The following NOS1AP variants were observed in gnomAD, a reference collection of about 807,000 sequenced individuals.
NOS1AP encodes the protein carboxyl-terminal PDZ ligand of neuronal nitric oxide synthase protein.
A neutral mutation model predicts 56.2 loss-of-function variants in NOS1AP; 21 were observed. The observed-to-expected ratio is 0.37, with a 90% CI of 0.26 to 0.54. The LOEUF is 0.54. Among genes scored for constraint, NOS1AP ranks in the 20% least tolerant of loss-of-function variants. The pLI, the probability that NOS1AP is intolerant of heterozygous loss-of-function variation, is 0.84. For synonymous variants in NOS1AP, 270 were observed against 274.6 expected (o/e 0.98, Z 0.17); for missense variants, 522 against 657.8 (o/e 0.79, Z 2.26).
At chr1:162,179,587 G>T (rs970603378) in intron 2 of NOS1AP, among the ~76,000 whole-genome samples, 3 of 152,214 alleles carry the variant, frequency 2.0e-5, no homozygotes, top group Non-Finnish European at 2.9e-5. Context: ...AAACAATTCA[G>T]TGAGAATGTA....
intron 2 of NOS1AP, among the ~76,000 whole-genome samples, chr1:162,262,520 A>G (rs901026146): frequency 6.6e-6 from 1 of 152,222 alleles, no homozygotes; most frequent in Non-Finnish European, 1.5e-5. Context: ...TAATCTAATG[A>G]CATTCTAATG....
intron 2 of NOS1AP, among the ~76,000 whole-genome samples, chr1:162,218,985 C>T (rs1257173997): frequency 6.6e-6 from 1 of 152,102 alleles, no homozygotes; most frequent in Non-Finnish European, 1.5e-5. Flanking sequence ...GGGCATTCAC[C>T]ACCGAGCCCA....
At chr1:162,265,714 G>C (rs1320643136) in intron 2 of NOS1AP, among the ~76,000 whole-genome samples, 1 of 152,162 alleles carries the variant, frequency 6.6e-6, no homozygotes, top group South Asian at 2.1e-4. Flanking sequence ...CAGTTGATTT[G>C]CTTGAGATTA....
intron 1 of NOS1AP, among the ~76,000 whole-genome samples, chr1:162,087,450 C>T (rs1692028190): frequency 6.6e-6 from 1 of 152,050 alleles, no homozygotes; most frequent in Non-Finnish European, 1.5e-5. Flanking sequence ...AAGCTGGGGT[C>T]TGAGAGACTG....
chr1:162,336,254 T>G (rs1656936077), intron 5 of NOS1AP, among the ~76,000 whole-genome samples: 1 of 152,192 alleles, frequency 6.6e-6, no homozygotes, highest in South Asian at 2.1e-4. Flanking sequence ...GGTGCTGTTA[T>G]GCTCTTCATT....
intron 2 of NOS1AP, among the ~76,000 whole-genome samples, chr1:162,227,884 C>T (rs1652991812): frequency 6.6e-6 from 1 of 151,902 alleles, no homozygotes; most frequent in Admixed American, 6.6e-5. Flanking sequence ...TAATTTAAAC[C>T]CTAAAAAAGA....
At chr1:162,366,575 G>A (rs1319076686) in intron 9 of NOS1AP, among the ~76,000 whole-genome samples, 4 of 152,124 alleles carry the variant, frequency 2.6e-5, no homozygotes, top group Admixed American at 1.3e-4. Flanking sequence ...TGGTCTGGGA[G>A]CCTGTATTTT....
rs979832268 is a variant in NOS1AP at position 162,233,294 on chromosome 1, A to C, written c.178-54050A>C. Among the ~76,000 whole-genome samples, 4 of 151,868 alleles carry C rather than the reference A, an allele frequency of 2.6e-5. 1 individual carries two copies. Among genetic ancestry groups the C allele is most frequent in the Middle Eastern group, 6.3e-3 (2 of 316 alleles). Reference sequence around the variant, plus strand: ...AGAGCTTGCTAAGTAGCTCCTCCCCACCCCAATGCCTGTGGCTCTTGCATG... The same window carrying C: ...AGAGCTTGCTAAGTAGCTCCTCCCCCCCCCAATGCCTGTGGCTCTTGCATG... On this transcript the variant is annotated intron_variant, in intron 2 of 9. Coordinates refer to ENST00000361897, the MANE Select transcript of NOS1AP (RefSeq NM_014697.3).
intron 2 of NOS1AP, among the ~76,000 whole-genome samples, chr1:162,167,247 C>G (rs777580855): frequency 4.6e-5 from 7 of 152,240 alleles, no homozygotes; most frequent in Non-Finnish European, 7.3e-5. Flanking sequence ...ATTTACCTGT[C>G]TCCTTAACCA....
intron 7 of NOS1AP, among the ~76,000 whole-genome samples, chr1:162,356,106 A>G (rs1474051071): frequency 6.6e-6 from 1 of 152,208 alleles, no homozygotes; most frequent in Non-Finnish European, 1.5e-5. Flanking sequence ...AGGGCAGTTC[A>G]GTTCTAAACT....
intron 6 of NOS1AP, among the ~76,000 whole-genome samples, chr1:162,354,254 G>A (rs1657615592): frequency 6.6e-6 from 1 of 152,206 alleles, no homozygotes; most frequent in Non-Finnish European, 1.5e-5. Flanking sequence ...CGTGGTCTCT[G>A]AAAACTCATG....
In NOS1AP at chr1:162,294,173, T is replaced by TAGGAAGGAAGGAAGGA. The variant is rs1295442688; in HGVS notation, c.271-6453_271-6438dup. ...GAGGGGAAGAAGGAAGGAAGGCAGG[T>TAGGAAGGAAGGAAGGA]AGGAAGGAAGGAAGGAAGGAAGTAA... On this transcript the variant is annotated intron_variant, in intron 3 of 9. Transcript: ENST00000361897. 9.9e-4 allele frequency among the ~76,000 whole-genome samples: 84 copies of TAGGAAGGAAGGAAGGA among 84,766 alleles called. 2 individuals carry two copies. Among genetic ancestry groups the TAGGAAGGAAGGAAGGA allele is most frequent in the Non-Finnish European group, 1.5e-3 (67 of 45,078 alleles). The allele number at this position is 84,766 out of a possible 152,430, so 55.6% of individuals were successfully genotyped here.
chr1:162,174,109 C>T (rs528576945), intron 2 of NOS1AP, among the ~76,000 whole-genome samples: 1 of 152,094 alleles, frequency 6.6e-6, no homozygotes, highest in African/African-American at 2.4e-5. Context: ...TACATGCACA[C>T]GTATGTTTAT....
chr1:162,133,601 T>C lies in NOS1AP; in HGVS notation c.106-20804T>C, dbSNP rs372462548. On this transcript the variant is annotated intron_variant, in intron 1 of 9. Coordinates refer to ENST00000361897, the MANE Select transcript of NOS1AP (RefSeq NM_014697.3). The stretch of plus-strand genomic sequence containing the variant: ...ATCCCTTTTACATGATAGATGAATC[T>C]GTTCAATTTTGGCTTTTGAGTGACT... 2.6e-5 allele frequency among the ~76,000 whole-genome samples: 4 copies of C among 152,256 alleles called. No homozygotes were observed. The East Asian group carries it at 5.8e-4, about 22-fold the overall frequency.
At chr1:162,164,707 G>T (rs1376033718) in intron 2 of NOS1AP, among the ~76,000 whole-genome samples, 1 of 152,110 alleles carries the variant, frequency 6.6e-6, no homozygotes, top group East Asian at 1.9e-4. Context: ...CCTTTTTATG[G>T]CTGAATAGTA....
chr1:162,160,778 G>A (rs763735451), intron 2 of NOS1AP, among the ~76,000 whole-genome samples: 2 of 152,162 alleles, frequency 1.3e-5, no homozygotes, highest in African/African-American at 2.4e-5. Context: ...CTGTTTCACT[G>A]TGTTAGTATG....
intron 2 of NOS1AP, among the ~76,000 whole-genome samples, chr1:162,157,597 G>C (rs1650025651): frequency 1.3e-5 from 2 of 152,216 alleles, no homozygotes; most frequent in South Asian, 4.1e-4. Flanking sequence ...TTACAGCTTG[G>C]CTGGAGCAGT....
intron 8 of NOS1AP, chr1:162,361,063 G>A: frequency 2.6e-6 from 1 of 380,346 alleles, no homozygotes; most frequent in Admixed American, 3.0e-5. Flanking sequence ...AGGCCAGAGT[G>A]CAGAGCTGGA....
intron 2 of NOS1AP, among the ~76,000 whole-genome samples, chr1:162,222,322 C>T (rs3924139): frequency 0.54 from 81,578 of 152,048 alleles, 22,956 homozygotes; most frequent in Non-Finnish European, 0.64. Flanking sequence ...ATATCTAACA[C>T]GGCTAGTATC....
Sources: gnomAD v4.1 joint callset for allele counts (sites outside exome capture counted in the v4.1 genomes callset) on GRCh38, gnomAD v4.1.1 for gene constraint, MANE v1.5 for transcripts, NCBI Gene and HGNC (gene_info 2026-07-23, HGNC 2026-07-21) for gene names.